TRIM3: variants seen among roughly 807,000 people sequenced by gnomAD.
TRIM3 encodes tripartite motif containing 3.
Under a neutral mutation model 66.6 loss-of-function variants are expected in TRIM3, and 13 were observed. That is an observed-to-expected ratio of 0.20 (90% CI 0.13 to 0.31). The LOEUF is 0.31. TRIM3 is among the 10% of genes least tolerant of loss of function. The pLI, the probability that TRIM3 is intolerant of heterozygous loss-of-function variation, is 1.00. For missense variants in TRIM3, 711 were observed against 1,020.4 expected (o/e 0.70, Z 4.13); for synonymous variants, 406 against 411.7 (o/e 0.99, Z 0.17).
At chr11:6,470,783 C>T (rs1850658398) in intron 1 of TRIM3, among the ~76,000 whole-genome samples, 1 of 152,168 alleles carries the variant, frequency 6.6e-6, no homozygotes, top group Non-Finnish European at 1.5e-5. Context: ...GGGTCTATCA[C>T]CAAGTCCCAA....
intron 2 of TRIM3, among the ~76,000 whole-genome samples, chr11:6,465,026 T>C (rs913649906): frequency 1.3e-5 from 2 of 149,862 alleles, no homozygotes; most frequent in Non-Finnish European, 3.0e-5. Context: ...AAGGATCTTA[T>C]CTGTTTTTGC....
At chr11:6,472,862 G>C (rs1850743917) in intron 1 of TRIM3, among the ~76,000 whole-genome samples, 1 of 152,192 alleles carries the variant, frequency 6.6e-6, no homozygotes, top group Non-Finnish European at 1.5e-5. Context: ...CAGGCCTGCA[G>C]CTCTGATTCC....
chr11:6,454,187 C>A (rs959234730), intron 7 of TRIM3, among the ~76,000 whole-genome samples: 14 of 151,662 alleles, frequency 9.2e-5, no homozygotes, highest in African/African-American at 3.1e-4. Flanking sequence ...CAGACCAGCC[C>A]AAACAATATA....
In TRIM3 at chr11:6,458,245, T is replaced by C. The variant is rs1287716846; in HGVS notation, c.183A>G (p.Val61=). Residue 61 remains valine (V), a synonymous_variant, in exon 3 of 12, where the codon GTA becomes GTG. Transcript: ENST00000345851. This position sits in a 1 kb window ranked among gnomAD's most constrained non-coding sequence, Gnocchi z 6.2. ...CTGGGAGGATGGACGTCTGCCGGCA[T>C]ACTGGACAGGATAGCGTCAGGCTCT... ...PAQSLTLSCP[V]CRQTSILPEQ... The C allele has an allele frequency of 1.2e-6, 2 of 1,614,102 alleles. No individual in the cohort carries two copies. Among genetic ancestry groups the C allele is most frequent in the Non-Finnish European group, 8.5e-7 (1 of 1,180,040 alleles).
In TRIM3 at chr11:6,449,520, G is replaced by A. The variant is rs1849633970; in HGVS notation, c.1942-74C>T. The A allele has an allele frequency of 6.8e-7, 1 of 1,469,162 alleles. No individual in the cohort carries two copies. 91.0% of individuals were successfully genotyped at this position (1,469,162 alleles called of 1,614,324 possible). A position where few individuals can be genotyped will look rare whatever the true frequency, so the allele number is the denominator to read the frequency against. Reference sequence around the variant, plus strand: ...GTAGGGCTTTGGAGGAGGATAGGGTGAAGCCCCAGGGCTGAGAACCCCCAC... The same window carrying A: ...GTAGGGCTTTGGAGGAGGATAGGGTAAAGCCCCAGGGCTGAGAACCCCCAC... On this transcript the variant is annotated intron_variant, in intron 10 of 11. Coordinates refer to ENST00000345851, the MANE Select transcript of TRIM3 (RefSeq NM_033278.4). The surrounding 1 kb of genome is among the most constrained non-coding windows in gnomAD (Gnocchi z 5.3).
chr11:6,470,314 T>G (rs1485138639), intron 1 of TRIM3, among the ~76,000 whole-genome samples: 1 of 152,014 alleles, frequency 6.6e-6, no homozygotes, highest in African/African-American at 2.4e-5. Context: ...AAGAAGGAAT[T>G]AACAGATGAT....
At position 6,450,569 on chromosome 11, in the gene TRIM3, G is replaced by A; in HGVS notation, c.1923C>T (p.Phe641=). The A allele has an allele frequency of 2.5e-6, 4 of 1,614,204 alleles. No individual in the cohort carries two copies. Among genetic ancestry groups the A allele is most frequent in the Middle Eastern group, 1.6e-4 (1 of 6,062 alleles). ...CACTGACCTTCACTGAATGGTTATGGAAGTCCGTTACTACAATTTCATTCT... is the reference window on the plus strand; with the variant it reads ...CACTGACCTTCACTGAATGGTTATGAAAGTCCGTTACTACAATTTCATTCT... ...NNKNEIVVTD[F]HNHSVKVYSA... The change falls in exon 10 of 12, where the codon TTC becomes TTT. Residue 641 remains phenylalanine (F), a synonymous_variant. Transcript: ENST00000345851. The surrounding 1 kb of genome is among the most constrained non-coding windows in gnomAD (Gnocchi z 4.8).
intron 2 of TRIM3, among the ~76,000 whole-genome samples, chr11:6,459,052 G>A (rs1164703899): frequency 6.6e-6 from 1 of 152,174 alleles, no homozygotes; most frequent in African/African-American, 2.4e-5. Flanking sequence ...AAGTGATAAG[G>A]AAATGCATCT....
rs1428904128 is a variant in TRIM3, at chr11:6,457,658, T to C, written c.515+38A>G. ...CCCGCCCGAGCTAAGACACCATCCC[T>C]GTGGCCCCACCAGCCCAGGACCCTG... On this transcript the variant is annotated intron_variant, in intron 4 of 11. Transcript: ENST00000345851. This position sits in a 1 kb window ranked among gnomAD's most constrained non-coding sequence, Gnocchi z 4.5. 4 of 1,593,612 alleles carry C rather than the reference T, an allele frequency of 2.5e-6. No individual in the cohort carries two copies. The highest frequency in any genetic ancestry group is 2.2e-5 in the South Asian group (2 of 89,842).
Position 6,457,253 on chromosome 11 carries a change from A to G in TRIM3, c.696+43T>C. ...GAGGAACAATGGAGGCAATAACACCATCACAATGGACGATGGTAGGAAAGG... is the reference window on the plus strand; with the variant it reads ...GAGGAACAATGGAGGCAATAACACCGTCACAATGGACGATGGTAGGAAAGG... On this transcript the variant is annotated intron_variant, in intron 5 of 11. Coordinates refer to ENST00000345851, the MANE Select transcript of TRIM3 (RefSeq NM_033278.4). This position sits in a 1 kb window ranked among gnomAD's most constrained non-coding sequence, Gnocchi z 4.5. 1 of 1,605,230 alleles carries G rather than the reference A, an allele frequency of 6.2e-7. No individual in the cohort carries two copies. The highest frequency in any genetic ancestry group is 8.5e-7 in the Non-Finnish European group (1 of 1,175,206).
In TRIM3 at chr11:6,456,508, T is replaced by G; in HGVS notation, c.1218A>C (p.Gly406=). 1 of 1,579,948 alleles carries G rather than the reference T, an allele frequency of 6.3e-7. No individual in the cohort carries two copies. Among genetic ancestry groups the G allele is most frequent in the Non-Finnish European group, 8.6e-7 (1 of 1,157,028 alleles). The change falls in exon 6 of 12, where the codon GGA becomes GGC. Residue 406 remains glycine (G), a synonymous_variant. Transcript: ENST00000345851. The surrounding 1 kb of genome is among the most constrained non-coding windows in gnomAD (Gnocchi z 6.4). Reference sequence around the variant, plus strand: ...GGAAGGGGCTGCCGCGCACTGGCTGTCCGTAGAGCAGCACCGAGAGGAGCA... The same window carrying G: ...GGAAGGGGCTGCCGCGCACTGGCTGGCCGTAGAGCAGCACCGAGAGGAGCA... The part of the protein sequence containing the change: ...GELLLSVLLY[G]QPVRGSPFRV...
At chr11:6,469,151 T>C (rs1447320136) in intron 1 of TRIM3, among the ~76,000 whole-genome samples, 1 of 152,202 alleles carries the variant, frequency 6.6e-6, no homozygotes, top group Admixed American at 6.5e-5. Flanking sequence ...CTGAAGCCTC[T>C]GTCTGGTGAA....
chr11:6,448,877 G>A lies in TRIM3; in HGVS notation c.*151C>T. The A allele has an allele frequency of 1.1e-6, 1 of 893,960 alleles. No individual in the cohort carries two copies. Among genetic ancestry groups the A allele is most frequent in the South Asian group, 1.5e-5 (1 of 65,006 alleles). The allele number at this position is 893,960 out of a possible 1,614,324, so 55.4% of individuals were successfully genotyped here. ...CCGAATAAATAAAGTGCAACCGTGGGGGTGGGGGTAGGAGAGGGAGGGCAC... is the reference window on the plus strand; with the variant it reads ...CCGAATAAATAAAGTGCAACCGTGGAGGTGGGGGTAGGAGAGGGAGGGCAC... On this transcript the variant is annotated 3_prime_UTR_variant, in exon 12 of 12. Coordinates refer to ENST00000345851, the MANE Select transcript of TRIM3 (RefSeq NM_033278.4).
At chr11:6,470,949 T>C (rs1256195652) in intron 1 of TRIM3, among the ~76,000 whole-genome samples, 3 of 152,016 alleles carry the variant, frequency 2.0e-5, no homozygotes, top group Non-Finnish European at 2.9e-5. Context: ...GCTGCAGAGG[T>C]CCCATTATTT....
chr11:6,469,936 A>G (rs1368034694), intron 1 of TRIM3, among the ~76,000 whole-genome samples: 2 of 152,174 alleles, frequency 1.3e-5, no homozygotes. Context: ...CTTTTGCATC[A>G]GGAGGCTGAA....
At chr11:6,473,249 C>T (rs1850769415) in intron 1 of TRIM3, 1 of 151,958 alleles carries the variant, frequency 6.6e-6, no homozygotes, top group African/African-American at 2.4e-5. Context: ...GGGTCCTTTC[C>T]TACAAAAAAA....
rs1416644882 is a variant in TRIM3, at chr11:6,450,612, A to T, written c.1880T>A (p.Phe627Tyr). ...TTCATTCTTGTTGTTCACAGCCACAAAATGGGGCCCTGAAAATACAAAGTG... is the reference window on the plus strand; with the variant it reads ...TTCATTCTTGTTGTTCACAGCCACATAATGGGGCCCTGAAAATACAAAGTG... ...ATDRHFAGPH[F>Y]VAVNNKNEIV... The change falls in exon 10 of 12, where the codon TTT becomes TAT. Residue 627 changes from phenylalanine (F) to tyrosine (Y), a missense_variant. Transcript: ENST00000345851. The surrounding 1 kb of genome is among the most constrained non-coding windows in gnomAD (Gnocchi z 4.8). The T allele has an allele frequency of 1.2e-6, 2 of 1,614,194 alleles. No individual in the cohort carries two copies. The highest frequency in any genetic ancestry group is 4.5e-5 in the East Asian group (2 of 44,890).
chr11:6,451,143 G>C (rs760507659), intron 8 of TRIM3, 83 bp from the exon 9 acceptor site: 32 of 1,593,440 alleles, frequency 2.0e-5, no homozygotes, highest in Non-Finnish European at 2.7e-5. Flanking sequence ...CAGAATCTTG[G>C]GCTGGGGAAA....
Position 6,449,705 on chromosome 11 carries a change from G to A in TRIM3, c.1942-259C>T, listed in dbSNP as rs1849643386. 1 of 409,572 alleles carries A rather than the reference G, an allele frequency of 2.4e-6. No individual in the cohort carries two copies. The highest frequency in any genetic ancestry group is 4.4e-6 in the Non-Finnish European group (1 of 228,026). The allele number at this position is 409,572 out of a possible 1,614,324, so 25.4% of individuals were successfully genotyped here. ...CTCTTAGTTCTCTATCTCAATGACT[G>A]GTGCCACCCAGCTGGCCATGAGTCA... is the stretch of plus-strand genomic sequence containing the variant. On this transcript the variant is annotated intron_variant, in intron 10 of 11. Coordinates refer to ENST00000345851, the MANE Select transcript of TRIM3 (RefSeq NM_033278.4). The surrounding 1 kb of genome is among the most constrained non-coding windows in gnomAD (Gnocchi z 5.3).
Sources: gnomAD v4.1 joint callset for allele counts (sites outside exome capture counted in the v4.1 genomes callset) on GRCh38, gnomAD v4.1.1 for gene constraint, Gnocchi (gnomAD v3.1) non-coding constraint, MANE v1.5 for transcripts, NCBI Gene and HGNC (gene_info 2026-07-23, HGNC 2026-07-21) for gene names.